The following TNRC6C variants were observed in gnomAD, a reference collection of about 807,000 sequenced individuals.
The protein encoded by TNRC6C is trinucleotide repeat-containing gene 6C protein.
A neutral mutation model predicts 153.7 loss-of-function variants in TNRC6C; 20 were observed. That is an observed-to-expected ratio of 0.13 (90% confidence interval 0.09 to 0.19). The LOEUF (loss-of-function observed/expected upper bound fraction) is 0.19, where lower values mean the gene tolerates loss of function less well. Among genes scored for constraint, TNRC6C ranks in the 10% least tolerant of loss-of-function variants. The pLI is 1.00. For missense variants in TNRC6C, 1,987 were observed against 2,172.0 expected (o/e 0.91, Z 1.69); for synonymous variants, 811 against 841.4 (o/e 0.96, Z 0.63).
rs971433003 is a variant in TNRC6C, at chr17:78,075,543, A to T, written c.3060+265A>T. ...TGAACTTGGCTGGTTATCTGCTTCA[A>T]TTTGTCCAATGGGCAAGGGTCATCA... On this transcript the variant is annotated intron_variant, in intron 8 of 19. Transcript: ENST00000301624. The surrounding 1 kb of genome is among the most constrained non-coding windows in gnomAD (Gnocchi z 4.2). Among the ~76,000 whole-genome samples, 3 of 152,244 alleles carry T rather than the reference A, an allele frequency of 2.0e-5. No homozygotes were observed. The highest frequency in any genetic ancestry group is 2.9e-5 in the Non-Finnish European group (2 of 68,032).
At chr17:78,052,640 A>C (rs552895106) in intron 3 of TNRC6C, among the ~76,000 whole-genome samples, 7 of 152,118 alleles carry the variant, frequency 4.6e-5, no homozygotes, top group Non-Finnish European at 1.0e-4. Context: ...GGTTTTTGTC[A>C]TAAGCGTTCA....
chr17:78,100,587 T>C (rs1045325971), intron 17 of TNRC6C, among the ~76,000 whole-genome samples: 3 of 152,184 alleles, frequency 2.0e-5, no homozygotes, highest in African/African-American at 7.2e-5. Context: ...GCCTGGCCCA[T>C]GAAGCCATTT....
At chr17:78,047,620 T>G (rs1029747477) in intron 2 of TNRC6C, among the ~76,000 whole-genome samples, 11 of 152,308 alleles carry the variant, frequency 7.2e-5, no homozygotes, top group Middle Eastern at 3.4e-3. Flanking sequence ...AAATTCATGT[T>G]TTAATTGTCC....
At chr17:77,991,372 A>G (rs376942154) in intron 1 of TNRC6C, among the ~76,000 whole-genome samples, 12 of 152,364 alleles carry the variant, frequency 7.9e-5, no homozygotes, top group South Asian at 2.1e-4. Context: ...GAGATGGTCA[A>G]CTAACCCCCT....
At chr17:77,970,611 C>A (rs532116115) in intron 1 of TNRC6C, among the ~76,000 whole-genome samples, 1 of 152,010 alleles carries the variant, frequency 6.6e-6, no homozygotes, top group Non-Finnish European at 1.5e-5. Flanking sequence ...GCTTTGAATG[C>A]GGCCCAAAAC....
chr17:77,993,220 C>T (rs2071279202), intron 1 of TNRC6C, among the ~76,000 whole-genome samples: 1 of 152,190 alleles, frequency 6.6e-6, no homozygotes, highest in African/African-American at 2.4e-5. Flanking sequence ...CCTCTGCCTC[C>T]CAAAGTGCTG....
upstream of TNRC6C, chr17:78,004,071 T>C (rs9889700): frequency 2.3e-3 from 2,780 of 1,227,444 alleles, 58 homozygotes; most frequent in African/African-American, 0.037. Context: ...GTATACCATA[T>C]GCGAAATTCT....
At chr17:77,990,967 A>G (rs1019748422) in intron 1 of TNRC6C, among the ~76,000 whole-genome samples, 17 of 152,196 alleles carry the variant, frequency 1.1e-4, no homozygotes, top group African/African-American at 4.1e-4. Context: ...TGGCCTATAT[A>G]TCATGGTATA....
At chr17:77,990,840 C>T (rs55734638) in intron 1 of TNRC6C, among the ~76,000 whole-genome samples, 6,683 of 152,242 alleles carry the variant, frequency 0.044, 193 homozygotes, top group Non-Finnish European at 0.069. Flanking sequence ...TCAGTAATTT[C>T]ATAGGGTCAA....
At chr17:77,986,182 G>A (rs1274780715) in intron 1 of TNRC6C, among the ~76,000 whole-genome samples, 1 of 152,198 alleles carries the variant, frequency 6.6e-6, no homozygotes, top group African/African-American at 2.4e-5. Context: ...TTGGAAGGCC[G>A]AGGTGGGCGG....
intron 5 of TNRC6C, among the ~76,000 whole-genome samples, chr17:78,069,742 G>C (rs1351075557): frequency 6.6e-6 from 1 of 152,102 alleles, no homozygotes. Context: ...GATATGAAAA[G>C]ATCACTAAAG....
intron 5 of TNRC6C, among the ~76,000 whole-genome samples, chr17:78,068,813 C>G (rs2072933182): frequency 6.6e-6 from 1 of 152,074 alleles, no homozygotes; most frequent in African/African-American, 2.4e-5. Context: ...AAAAAAGACA[C>G]AAATGTGCGG....
chr17:78,072,099 G>T (rs905595001), intron 6 of TNRC6C, among the ~76,000 whole-genome samples: 3 of 152,200 alleles, frequency 2.0e-5, no homozygotes, highest in Admixed American at 6.5e-5. Flanking sequence ...GTCCAGAATG[G>T]CCTCCATGTA....
upstream of TNRC6C, among the ~76,000 whole-genome samples, chr17:78,000,219 G>A (rs2071389919): frequency 6.6e-6 from 1 of 152,186 alleles, no homozygotes; most frequent in Admixed American, 6.5e-5. Context: ...CCCAGTCCTT[G>A]TGACTCTAAA....
chr17:77,966,266 G>C (rs1314994643), intron 1 of TNRC6C, among the ~76,000 whole-genome samples: 1 of 152,198 alleles, frequency 6.6e-6, no homozygotes, highest in African/African-American at 2.4e-5. Context: ...ACCTCTAGTT[G>C]TTGGCTCCTT....
chr17:78,050,913 T>C lies in TNRC6C; in HGVS notation c.1851T>C (p.Ser617=), dbSNP rs759729541. The stretch of plus-strand genomic sequence containing the variant: ...TGGGGGATGGGAAAAAAAATGGATC[T>C]GGATGGGATGCTGACAGTAATAGGT... Residue 617 remains serine (S), a synonymous_variant, in exon 3 of 20, where the codon TCT becomes TCC. Transcript: ENST00000301624. The C allele has an allele frequency of 2.5e-6, 4 of 1,613,640 alleles. No homozygotes were observed. In the African/African-American group the frequency reaches 4.0e-5, roughly 16 times the overall value.
chr17:78,007,221 GT>G (rs577684380), intron 1 of TNRC6C, among the ~76,000 whole-genome samples: 18 of 152,124 alleles, frequency 1.2e-4, no homozygotes, highest in Non-Finnish European at 2.4e-4. Context: ...CTAAAATACT[GT>G]TCCTTTGGGT....
In TNRC6C at chr17:78,091,577, T is replaced by TC. The variant is rs1316060576; in HGVS notation, c.3946dup (p.Leu1316ProfsTer6). On this transcript the variant is annotated frameshift_variant, in exon 14 of 20. Coordinates refer to ENST00000301624, the Ensembl canonical transcript of TNRC6C. LOFTEE classifies it high-confidence loss of function. ...CATGGATAACTTGCCCAGTGCCGCTTCCCCCCTGGAGCAGAACCCTAGCAA... is the reference window on the plus strand; with the variant it reads ...CATGGATAACTTGCCCAGTGCCGCTTCCCCCCCTGGAGCAGAACCCTAGCAA... 6.3e-7 allele frequency: 1 copy of TC among 1,579,548 alleles called. No individual in the cohort carries two copies. Among genetic ancestry groups the TC allele is most frequent in the Non-Finnish European group, 8.6e-7 (1 of 1,163,408 alleles).
chr17:77,976,931 G>GA (rs57726847), intron 1 of TNRC6C, among the ~76,000 whole-genome samples: 10,441 of 46,544 alleles, frequency 0.22, 2,873 homozygotes, highest in East Asian at 0.27. Flanking sequence ...CTCCATCTCA[G>GA]AAAAAAAAAA....
Sources: allele counts gnomAD v4.1 joint callset (sites outside exome capture counted in the v4.1 genomes callset), GRCh38; gene constraint gnomAD v4.1.1; non-coding constraint Gnocchi (gnomAD v3.1); transcripts MANE v1.5; gene names NCBI Gene and HGNC (gene_info 2026-07-23, HGNC 2026-07-21).